The following TXLNB variants were observed in gnomAD, a reference collection of about 807,000 sequenced individuals.
TXLNB encodes beta-taxilin.
TXLNB carries 37 observed loss-of-function variants against 57.4 expected under a neutral mutation model. The observed-to-expected ratio is 0.64, with a 90% CI of 0.50 to 0.85. The LOEUF (loss-of-function observed/expected upper bound fraction) is 0.85. TXLNB is among the 40% of genes least tolerant of loss of function. The pLI is 0.00. For missense variants in TXLNB, 848 were observed against 825.6 expected (o/e 1.03, Z -0.33); for synonymous variants, 302 against 309.6 (o/e 0.98, Z 0.26).
chr6:139,291,556 T>C (rs1777300872), intron 1 of TXLNB, among the ~76,000 whole-genome samples: 1 of 152,166 alleles, frequency 6.6e-6, no homozygotes, highest in Non-Finnish European at 1.5e-5. Flanking sequence ...CCAGGACAAT[T>C]CAATTCCCAA....
rs1202402055 is a variant in TXLNB at position 139,240,965 on chromosome 6, T to TCTTCCCTTCTCCCTCCTTCCTTTCTTC, written c.*1534_*1560dup. The stretch of plus-strand genomic sequence containing the variant: ...AGGGTTGGGTTAGACATTGTTTCTT[T>TCTTCCCTTCTCCCTCCTTCCTTTCTTC]CTTCCCTTCTCCCTCCTTCCTTTCT... On this transcript the variant is annotated 3_prime_UTR_variant, in exon 10 of 10. Transcript: ENST00000358430. 2.0e-5 allele frequency: 3 copies of TCTTCCCTTCTCCCTCCTTCCTTTCTTC among 152,392 alleles called. No individual in the cohort carries two copies. The highest frequency in any genetic ancestry group is 4.4e-5 in the Non-Finnish European group (3 of 68,056). 9.4% of individuals were successfully genotyped at this position (152,392 alleles called of 1,614,324 possible).
chr6:139,284,196 G>A (rs551144720), intron 2 of TXLNB, among the ~76,000 whole-genome samples: 10 of 145,244 alleles, frequency 6.9e-5, no homozygotes, highest in Admixed American at 1.4e-4. Flanking sequence ...TTATCTTTGC[G>A]CACCTAGCAC....
intron 1 of TXLNB, among the ~76,000 whole-genome samples, chr6:139,290,936 A>G (rs757448404): frequency 7.9e-5 from 12 of 152,218 alleles, no homozygotes; most frequent in Non-Finnish European, 1.8e-4. Flanking sequence ...AATTCAACAC[A>G]CAGATGTTGC....
Position 139,242,338 on chromosome 6 carries a change from A to G in TXLNB, c.*188T>C. On this transcript the variant is annotated 3_prime_UTR_variant, in exon 10 of 10. Transcript: ENST00000358430. ...AACCAGTGTTAAATAGAAAACCTTCAAATCAGCTATAAATTGACAACAAAT... is the reference window on the plus strand; with the variant it reads ...AACCAGTGTTAAATAGAAAACCTTCGAATCAGCTATAAATTGACAACAAAT... 2.2e-6 allele frequency: 1 copy of G among 453,058 alleles called. No individual in the cohort carries two copies. The highest frequency in any genetic ancestry group is 3.6e-6 in the Non-Finnish European group (1 of 276,234). 28.1% of individuals were successfully genotyped at this position (453,058 alleles called of 1,614,324 possible). A position where few individuals can be genotyped will look rare whatever the true frequency, so the allele number is the denominator to read the frequency against.
At chr6:139,266,065 A>T (rs1304836912) in intron 4 of TXLNB, among the ~76,000 whole-genome samples, 1 of 152,232 alleles carries the variant, frequency 6.6e-6, no homozygotes, top group African/African-American at 2.4e-5. Flanking sequence ...GCTGCTCAAG[A>T]GACAAAGTTT....
At chr6:139,276,495 A>G (rs1776899066) in intron 3 of TXLNB, among the ~76,000 whole-genome samples, 1 of 152,248 alleles carries the variant, frequency 6.6e-6, no homozygotes, top group African/African-American at 2.4e-5. Flanking sequence ...AATGCATTTC[A>G]GGTAGAGGTA....
the TXLNB span, among the ~76,000 whole-genome samples, chr6:139,319,934 A>T: frequency 3.3e-5 from 5 of 150,670 alleles, no homozygotes; most frequent in South Asian, 6.2e-4. Context: ...GATAAAAAGT[A>T]AAAAAAAAGT....
chr6:139,176,961 C>G, the TXLNB span: 7 of 872,536 alleles, frequency 8.0e-6, no homozygotes, highest in Non-Finnish European at 1.4e-5. This position sits in a 1 kb window ranked among gnomAD's most constrained non-coding sequence, Gnocchi z 4.5. Flanking sequence ...ACTGTAAGCA[C>G]TGTGGGAAGC....
At chr6:139,204,223 A>G in the TXLNB span, among the ~76,000 whole-genome samples, 1 of 151,824 alleles carries the variant, frequency 6.6e-6, no homozygotes, top group Non-Finnish European at 1.5e-5. Context: ...TGCCCGGCTA[A>G]TTTTTGCATT....
chr6:139,302,039 A>G, the TXLNB span, among the ~76,000 whole-genome samples: 1 of 152,142 alleles, frequency 6.6e-6, no homozygotes, highest in East Asian at 1.9e-4. Context: ...TATATTCTTA[A>G]TTGAAACTAC....
intron 4 of TXLNB, among the ~76,000 whole-genome samples, chr6:139,265,592 A>G (rs1292603369): frequency 6.6e-6 from 1 of 152,226 alleles, no homozygotes; most frequent in African/African-American, 2.4e-5. Context: ...TTTTAGATTT[A>G]GGTACACTTA....
the TXLNB span, among the ~76,000 whole-genome samples, chr6:139,230,252 T>C: frequency 6.6e-6 from 1 of 152,304 alleles, no homozygotes; most frequent in East Asian, 1.9e-4. Flanking sequence ...GGGAGATGAA[T>C]TGTATCACAG....
At chr6:139,224,204 C>A in the TXLNB span, among the ~76,000 whole-genome samples, 6 of 149,612 alleles carry the variant, frequency 4.0e-5, no homozygotes, top group South Asian at 2.1e-4. Context: ...GAACAAAAAA[C>A]CAAACACTGC....
chr6:139,262,690 G>C lies in TXLNB; in HGVS notation c.771C>G (p.Ile257Met), dbSNP rs2114521310. 1 of 1,614,158 alleles carries C rather than the reference G, an allele frequency of 6.2e-7. No individual in the cohort carries two copies. The highest frequency in any genetic ancestry group is 8.5e-7 in the Non-Finnish European group (1 of 1,180,034). The change falls in exon 5 of 10, where the codon ATC (isoleucine) becomes ATG (methionine). Residue 257 changes from isoleucine (I) to methionine (M), a missense_variant. By Grantham distance (10) the Ile-to-Met change is conservative. Transcript: ENST00000358430. ...TSHFQSTLTD[I>M]QGQIEQQSER... ...CACTCTGCTGCTCGATCTGGCCCTGGATGTCCGTGAGGGTACTCTGGAAAT... is the reference window on the plus strand; with the variant it reads ...CACTCTGCTGCTCGATCTGGCCCTGCATGTCCGTGAGGGTACTCTGGAAAT...
chr6:139,219,575 G>A, the TXLNB span, among the ~76,000 whole-genome samples: 35 of 152,340 alleles, frequency 2.3e-4, no homozygotes, highest in African/African-American at 8.4e-4. Context: ...CCTTTGGAAT[G>A]TGACCATGAG....
chr6:139,271,134 A>G (rs1305922597), intron 3 of TXLNB, among the ~76,000 whole-genome samples: 1 of 152,188 alleles, frequency 6.6e-6, no homozygotes, highest in Non-Finnish European at 1.5e-5. Context: ...TCTCTTCTTT[A>G]TAATGTTGGG....
At chr6:139,247,519 T>C (rs1776093723) in intron 8 of TXLNB, among the ~76,000 whole-genome samples, 1 of 149,824 alleles carries the variant, frequency 6.7e-6, no homozygotes. Flanking sequence ...GTTAAATTGC[T>C]AGCTCTGGTC....
the TXLNB span, among the ~76,000 whole-genome samples, chr6:139,205,139 A>G: frequency 6.6e-6 from 1 of 152,218 alleles, no homozygotes; most frequent in Non-Finnish European, 1.5e-5. Flanking sequence ...TTACTGCCAC[A>G]GCTGGTGCTC....
At chr6:139,218,935 T>C in the TXLNB span, among the ~76,000 whole-genome samples, 1 of 152,134 alleles carries the variant, frequency 6.6e-6, no homozygotes, top group East Asian at 1.9e-4. Context: ...GTGGTGTAAA[T>C]TGTGGCTGAG....
Sources: allele counts gnomAD v4.1 joint callset (sites outside exome capture counted in the v4.1 genomes callset), GRCh38; gene constraint gnomAD v4.1.1; non-coding constraint Gnocchi (gnomAD v3.1); transcripts MANE v1.5; gene names NCBI Gene and HGNC (gene_info 2026-07-23, HGNC 2026-07-21).